Variants in APLF observed in about 807,000 individuals in gnomAD.
APLF encodes aprataxin and PNKP like factor, also known as aprataxin and PNK-like factor.
APLF carries 61 observed loss-of-function variants against 55.6 expected under a neutral mutation model. That is an observed-to-expected ratio of 1.10 (90% CI 0.89 to 1.36). APLF has a LOEUF of 1.36. Ranked by LOEUF, APLF falls within the 40% of genes most tolerant of loss-of-function variation. The pLI, the probability that APLF is intolerant of heterozygous loss-of-function variation, is 0.00. For missense variants in APLF, 611 were observed against 602.5 expected (o/e 1.01, Z -0.15); for synonymous variants, 207 against 214.8 (o/e 0.96, Z 0.32).
rs1437884359 is a variant in APLF at position 68,518,757 on chromosome 2, T to G, written c.622+5077T>G. The stretch of plus-strand genomic sequence containing the variant: ...TCATGAATATATCATTAATATATAA[T>G]AAAATATTAATAATATATCATTATA... On this transcript the variant is annotated intron_variant, in intron 5 of 9. Transcript: ENST00000303795. Among the ~76,000 whole-genome samples, 144 of 121,034 alleles carry G rather than the reference T, an allele frequency of 1.2e-3. 2 individuals carry two copies. The highest frequency in any genetic ancestry group is 4.3e-3 in the African/African-American group (129 of 30,270). The allele number at this position is 121,034 out of a possible 152,430, so 79.4% of individuals were successfully genotyped here. A position where few individuals can be genotyped will look rare whatever the true frequency, so the allele number is the denominator to read the frequency against.
chr2:68,556,186 C>T (rs1671002948), intron 8 of APLF, among the ~76,000 whole-genome samples: 1 of 152,044 alleles, frequency 6.6e-6, no homozygotes, highest in Non-Finnish European at 1.5e-5. Flanking sequence ...ATACAATGGG[C>T]TTTGGGAACT....
intron 8 of APLF, among the ~76,000 whole-genome samples, chr2:68,551,243 A>G (rs1037352078): frequency 6.6e-5 from 10 of 152,060 alleles, no homozygotes; most frequent in Non-Finnish European, 1.3e-4. Context: ...TTTTAAATCA[A>G]TGTGCCTCTT....
At chr2:68,514,082 TAA>T (rs778827793) in intron 5 of APLF, among the ~76,000 whole-genome samples, 8 of 151,828 alleles carry the variant, frequency 5.3e-5, no homozygotes, top group Non-Finnish European at 2.9e-5. Context: ...AATTTGCTGT[TAA>T]GTCTATCTAG....
At chr2:68,490,370 A>T (rs1676321762) in intron 2 of APLF, 109 bp downstream of exon 2, 1 of 750,738 alleles carries the variant, frequency 1.3e-6, no homozygotes, top group South Asian at 2.4e-5. Context: ...TAATGTCAGA[A>T]TATACCCTTC....
chr2:68,542,399 A>G (rs1670578842), intron 7 of APLF, among the ~76,000 whole-genome samples: 1 of 152,214 alleles, frequency 6.6e-6, no homozygotes, highest in Non-Finnish European at 1.5e-5. Context: ...TTTGCAAATT[A>G]TATATCTGAT....
chr2:68,578,912 C>T lies in APLF; in HGVS notation c.*890C>T. The T allele has an allele frequency of 1.0e-6, 1 of 985,264 alleles. No homozygotes were observed. The highest frequency in any genetic ancestry group is 1.2e-6 in the Non-Finnish European group (1 of 829,852). The allele number at this position is 985,264 out of a possible 1,614,324, so 61.0% of individuals were successfully genotyped here. On this transcript the variant is annotated 3_prime_UTR_variant, in exon 10 of 10. Transcript: ENST00000303795. Reference sequence around the variant, plus strand: ...CCATATCAAGAAGAAACCACTTATTCTCCAGTTTTACAAAGTATCTTTCTG... The same window carrying T: ...CCATATCAAGAAGAAACCACTTATTTTCCAGTTTTACAAAGTATCTTTCTG...
chr2:68,578,392 A>G lies in APLF; in HGVS notation c.*370A>G. On this transcript the variant is annotated 3_prime_UTR_variant, in exon 10 of 10. Coordinates refer to ENST00000303795, the MANE Select transcript of APLF (RefSeq NM_173545.3). ...AGATTATGGAGTACTCTGCAAGTATAACCAGGCAAAGTACATGAAAACATG... is the reference window on the plus strand; with the variant it reads ...AGATTATGGAGTACTCTGCAAGTATGACCAGGCAAAGTACATGAAAACATG... 1 of 999,806 alleles carries G rather than the reference A, an allele frequency of 1.0e-6. No homozygotes were observed. Among genetic ancestry groups the G allele is most frequent in the Non-Finnish European group, 1.2e-6 (1 of 838,796 alleles). 61.9% of individuals were successfully genotyped at this position (999,806 alleles called of 1,614,324 possible). A position where few individuals can be genotyped will look rare whatever the true frequency, so the allele number is the denominator to read the frequency against.
At chr2:68,500,854 A>T (rs1363307413) in intron 2 of APLF, among the ~76,000 whole-genome samples, 1 of 152,176 alleles carries the variant, frequency 6.6e-6, no homozygotes, top group South Asian at 2.1e-4. Flanking sequence ...GAGCCTGTCA[A>T]TTTGTCATGT....
At chr2:68,491,137 T>C (rs1409695832) in intron 2 of APLF, among the ~76,000 whole-genome samples, 1 of 152,226 alleles carries the variant, frequency 6.6e-6, no homozygotes, top group Non-Finnish European at 1.5e-5. Context: ...ATTCACCTTA[T>C]CTCAACCTTG....
At chr2:68,537,333 A>G (rs1277419562) in intron 6 of APLF, among the ~76,000 whole-genome samples, 1 of 151,976 alleles carries the variant, frequency 6.6e-6, no homozygotes, top group African/African-American at 2.4e-5. Context: ...ACATGATTGT[A>G]AAGGTTTGAT....
At chr2:68,469,566 G>C (rs1675554309) in intron 1 of APLF, among the ~76,000 whole-genome samples, 1 of 152,160 alleles carries the variant, frequency 6.6e-6, no homozygotes, top group African/African-American at 2.4e-5. Flanking sequence ...AGGTTGGCGT[G>C]TATCAGAAGT....
At chr2:68,566,786 C>A (rs1671323503) in intron 8 of APLF, among the ~76,000 whole-genome samples, 1 of 152,040 alleles carries the variant, frequency 6.6e-6, no homozygotes, top group African/African-American at 2.4e-5. Flanking sequence ...TCTTCAAACA[C>A]TTTTTGTTTG....
intron 4 of APLF, 103 bp from the exon 5 acceptor site, chr2:68,513,445 G>T: frequency 7.4e-7 from 1 of 1,351,946 alleles, no homozygotes; most frequent in Non-Finnish European, 1.0e-6. Context: ...TCAGTCTACA[G>T]TTGCATATGG....
chr2:68,544,467 A>G (rs192879903), intron 7 of APLF, among the ~76,000 whole-genome samples: 1 of 152,298 alleles, frequency 6.6e-6, no homozygotes, highest in East Asian at 1.9e-4. Flanking sequence ...ATAAATTTCC[A>G]TAGTATAAAA....
At chr2:68,555,265 C>T (rs1004271390) in intron 8 of APLF, among the ~76,000 whole-genome samples, 2 of 152,000 alleles carry the variant, frequency 1.3e-5, no homozygotes, top group African/African-American at 4.8e-5. Context: ...GATTTCATAA[C>T]CAAAAACCTA....
intron 1 of APLF, among the ~76,000 whole-genome samples, chr2:68,487,509 G>A (rs1296041340): frequency 6.6e-6 from 1 of 152,066 alleles, no homozygotes; most frequent in Admixed American, 6.6e-5. Flanking sequence ...CACAGATTTT[G>A]TGAAGACTGA....
intron 5 of APLF, among the ~76,000 whole-genome samples, chr2:68,524,113 T>C (rs1421874448): frequency 6.6e-6 from 1 of 152,180 alleles, no homozygotes. Context: ...GCAATACCAC[T>C]AGTTCAGTAT....
intron 6 of APLF, among the ~76,000 whole-genome samples, chr2:68,526,910 T>G (rs949054915): frequency 6.6e-6 from 1 of 152,108 alleles, no homozygotes; most frequent in African/African-American, 2.4e-5. Context: ...ACGATCTCGA[T>G]CTCCTTTTTT....
chr2:68,525,978 T>C, intron 5 of APLF, 83 bp from the exon 6 acceptor site: 1 of 1,359,282 alleles, frequency 7.4e-7, no homozygotes, highest in Non-Finnish European at 9.9e-7. Context: ...TCGAATCCTT[T>C]TTCTTTTTTC....
Sources: allele counts gnomAD v4.1 joint callset (sites outside exome capture counted in the v4.1 genomes callset), GRCh38; gene constraint gnomAD v4.1.1; transcripts MANE v1.5; gene names NCBI Gene and HGNC (gene_info 2026-07-23, HGNC 2026-07-21).